The following SNX9 variants were observed in gnomAD, a reference collection of about 807,000 sequenced individuals.
The protein encoded by SNX9 is sorting nexin-9.
SNX9 carries 44 observed loss-of-function variants against 89.4 expected under a neutral mutation model. That is an observed-to-expected ratio of 0.49 (90% CI 0.39 to 0.63). The LOEUF (loss-of-function observed/expected upper bound fraction) is 0.63. Ranked by LOEUF, SNX9 falls within the 30% of genes least tolerant of loss-of-function variation. The pLI is 0.00. For missense variants in SNX9, 578 were observed against 736.1 expected, an observed-to-expected ratio of 0.79 and a Z score of 2.49; for synonymous variants, 236 against 247.8, an observed-to-expected ratio of 0.95 and a Z score of 0.45.
chr6:157,922,026 G>A (rs761068828), intron 10 of SNX9, among the ~76,000 whole-genome samples: 3 of 152,246 alleles, frequency 2.0e-5, no homozygotes, highest in African/African-American at 4.8e-5. Context: ...TGATTTTCCC[G>A]ATCACGTTGC....
At chr6:157,936,211 GGAT>G (rs1264669234) in intron 14 of SNX9, among the ~76,000 whole-genome samples, 171 bp downstream of exon 14, 1 of 152,188 alleles carries the variant, frequency 6.6e-6, no homozygotes, top group African/African-American at 2.4e-5. Flanking sequence ...AAGACAAAGT[GGAT>G]GAATACATTT....
chr6:157,927,334 G>A, intron 11 of SNX9, 120 bp downstream of exon 11: 2 of 651,488 alleles, frequency 3.1e-6, no homozygotes, highest in South Asian at 3.7e-5. Context: ...TATGAAATGA[G>A]TGGGATTTGT....
At chr6:157,926,650 C>CA (rs1783697471) in intron 10 of SNX9, among the ~76,000 whole-genome samples, 1 of 151,692 alleles carries the variant, frequency 6.6e-6, no homozygotes, top group South Asian at 2.1e-4. Flanking sequence ...GGCATGGTGG[C>CA]ATGCGCCTAA....
intron 4 of SNX9, among the ~76,000 whole-genome samples, chr6:157,888,365 T>C (rs1782780354): frequency 1.3e-5 from 2 of 152,258 alleles, no homozygotes; most frequent in Non-Finnish European, 2.9e-5. Flanking sequence ...TGTATCATGA[T>C]GCCAAACAAC....
At position 157,944,507 on chromosome 6, in the gene SNX9, A is replaced by G. The variant is rs1583253965; in HGVS notation, c.*1669A>G. On this transcript the variant is annotated 3_prime_UTR_variant, in exon 18 of 18. Transcript: ENST00000392185. ...AATAAATTGTTTAAAAAAACTGTAC[A>G]GTAAATTCTCAAAGCACTTTTTCAA... 3 of 152,676 alleles carry G rather than the reference A, an allele frequency of 2.0e-5. No individual in the cohort carries two copies. Among genetic ancestry groups the G allele is most frequent in the Admixed American group, 1.3e-4 (2 of 15,288 alleles). The allele number at this position is 152,676 out of a possible 1,614,324, so 9.5% of individuals were successfully genotyped here.
intron 1 of SNX9, among the ~76,000 whole-genome samples, chr6:157,859,772 A>G (rs900786981): frequency 1.3e-5 from 2 of 152,150 alleles, no homozygotes; most frequent in African/African-American, 4.8e-5. Flanking sequence ...CCATTTTTGT[A>G]TTAGGTTGCT....
chr6:157,912,768 G>A (rs1047343397), intron 9 of SNX9, among the ~76,000 whole-genome samples: 3 of 152,078 alleles, frequency 2.0e-5, no homozygotes, highest in Admixed American at 6.5e-5. Flanking sequence ...TGTTTTTTAT[G>A]GAAATAATAT....
intron 17 of SNX9, 45 bp downstream of exon 17, chr6:157,941,019 G>A (rs767697689): frequency 1.2e-5 from 18 of 1,517,992 alleles, no homozygotes; most frequent in Non-Finnish European, 1.5e-5. Context: ...TGAGGAGAGG[G>A]TTCCTGGTAA....
intron 2 of SNX9, among the ~76,000 whole-genome samples, chr6:157,869,010 T>G (rs1301447674): frequency 6.6e-6 from 1 of 152,236 alleles, no homozygotes; most frequent in East Asian, 1.9e-4. Context: ...AGAGGTACCC[T>G]GGAGATACAA....
At chr6:157,827,669 G>T (rs755485173) in intron 1 of SNX9, among the ~76,000 whole-genome samples, 2 of 147,032 alleles carry the variant, frequency 1.4e-5, no homozygotes, top group Non-Finnish European at 3.0e-5. Context: ...TTCTGGAAAA[G>T]AAATGAAGAA....
chr6:157,831,960 AT>A (rs1200833337), intron 1 of SNX9, among the ~76,000 whole-genome samples: 2 of 152,360 alleles, frequency 1.3e-5, no homozygotes, highest in East Asian at 3.9e-4. Context: ...GTTGTTAAGC[AT>A]TTTGGTTGAA....
At chr6:157,836,611 G>C (rs1306387949) in intron 1 of SNX9, among the ~76,000 whole-genome samples, 1 of 143,566 alleles carries the variant, frequency 7.0e-6, no homozygotes, top group Non-Finnish European at 1.5e-5. Context: ...TTTTTTTTTT[G>C]ATACAGAGTC....
At position 157,927,103 on chromosome 6, in the gene SNX9, A is replaced by T. The variant is rs200444660; in HGVS notation, c.1081-8A>T. The T allele has an allele frequency of 6.2e-7, 1 of 1,610,926 alleles. No individual in the cohort carries two copies. Among genetic ancestry groups the T allele is most frequent in the Non-Finnish European group, 8.5e-7 (1 of 1,177,068 alleles). On this transcript the variant is annotated splice_polypyrimidine_tract_variant and splice_region_variant and intron_variant, in intron 10 of 17. Coordinates refer to ENST00000392185, the MANE Select transcript of SNX9 (RefSeq NM_016224.5). ...TCCACTTGAACCTTACAACATTCTC[A>T]TTTACAGGAATGGAAAACTGGAAAG...
intron 1 of SNX9, among the ~76,000 whole-genome samples, chr6:157,842,172 T>C (rs928577124): frequency 6.6e-6 from 1 of 152,218 alleles, no homozygotes; most frequent in African/African-American, 2.4e-5. Flanking sequence ...TGTAAACATA[T>C]TCATAAATTA....
At position 157,823,978 on chromosome 6, in the gene SNX9, G is replaced by T. The variant is rs1280030941; in HGVS notation, c.12+532G>T. 6.6e-6 allele frequency among the ~76,000 whole-genome samples: 1 copy of T among 152,202 alleles called. No individual in the cohort carries two copies. The highest frequency in any genetic ancestry group is 1.5e-5 in the Non-Finnish European group (1 of 68,030). The stretch of plus-strand genomic sequence containing the variant: ...CGCGGCCGGGGAGGGACCGAGGCTG[G>T]GACGCCCCGCGCCCCTTTGCCTTCG... On this transcript the variant is annotated intron_variant, in intron 1 of 17. Transcript: ENST00000392185. This position sits in a 1 kb window ranked among gnomAD's most constrained non-coding sequence, Gnocchi z 4.6.
Position 157,906,581 on chromosome 6 carries a change from A to G in SNX9, c.705+369A>G, listed in dbSNP as rs529482028. ...TTCCCTTGTAAAGTACATGTATGTT[A>G]TCAGAATAAGGTACCCTTTCAGATA... is the stretch of plus-strand genomic sequence containing the variant. On this transcript the variant is annotated intron_variant, in intron 7 of 17. Coordinates refer to ENST00000392185, the MANE Select transcript of SNX9 (RefSeq NM_016224.5). Among the ~76,000 whole-genome samples, 3 of 152,230 alleles carry G rather than the reference A, an allele frequency of 2.0e-5. 1 individual carries two copies. The highest frequency in any genetic ancestry group is 2.0e-4 in the Admixed American group (3 of 15,284).
At chr6:157,897,055 A>G (rs1353108273) in intron 5 of SNX9, 57 bp downstream of exon 5, 2 of 1,485,668 alleles carry the variant, frequency 1.3e-6, no homozygotes, top group South Asian at 1.4e-5. Context: ...TGGGAGAGAC[A>G]GGGAAGACCG....
chr6:157,886,099 G>A (rs999294152), intron 4 of SNX9, among the ~76,000 whole-genome samples: 2 of 152,152 alleles, frequency 1.3e-5, no homozygotes, highest in African/African-American at 2.4e-5. Context: ...CTCATGGTCT[G>A]TGCAGTGAGA....
Position 157,875,004 on chromosome 6 carries a change from A to G in SNX9, c.175-47A>G. 2.5e-6 allele frequency: 4 copies of G among 1,605,890 alleles called. No homozygotes were observed. In the South Asian group the frequency reaches 4.5e-5, roughly 18 times the overall value. ...TTGCTTGCCCTCGAAGACTCCCTGA[A>G]GTGACCGTAATCTATGAAAATAATT... On this transcript the variant is annotated intron_variant, in intron 3 of 17. Coordinates refer to ENST00000392185, the MANE Select transcript of SNX9 (RefSeq NM_016224.5).
Sources: allele counts gnomAD v4.1 joint callset (sites outside exome capture counted in the v4.1 genomes callset), GRCh38; gene constraint gnomAD v4.1.1; non-coding constraint Gnocchi (gnomAD v3.1); transcripts MANE v1.5; gene names NCBI Gene and HGNC (gene_info 2026-07-23, HGNC 2026-07-21).